EPC2: variants seen among roughly 807,000 people sequenced by gnomAD.
EPC2 encodes the protein enhancer of polycomb homolog 2.
Under a neutral mutation model 92.1 loss-of-function variants are expected in EPC2, and 14 were observed. The ratio of observed to expected loss-of-function variants is 0.15; its 90% CI spans 0.10 to 0.24. The LOEUF (loss-of-function observed/expected upper bound fraction) is 0.24, where lower values mean the gene tolerates loss of function less well. EPC2 is among the 10% of genes least tolerant of loss of function. The pLI, the probability that EPC2 is intolerant of heterozygous loss-of-function variation, is 1.00. For synonymous variants in EPC2, 340 were observed against 334.7 expected (o/e 1.02, Z -0.17); for missense variants, 755 against 971.5 (o/e 0.78, Z 2.96).
intron 1 of EPC2, among the ~76,000 whole-genome samples, chr2:148,677,609 GTC>G (rs757703285): frequency 2.6e-5 from 4 of 152,204 alleles, no homozygotes; most frequent in Non-Finnish European, 4.4e-5. Context: ...TGGGTTCTTG[GTC>G]TCACTGACTT....
intron 1 of EPC2, among the ~76,000 whole-genome samples, chr2:148,685,692 G>A (rs947488830): frequency 6.6e-5 from 10 of 152,170 alleles, no homozygotes; most frequent in East Asian, 3.8e-4. Context: ...GCTCCGCTTC[G>A]GGGGGCAGAG....
intron 1 of EPC2, among the ~76,000 whole-genome samples, chr2:148,682,156 A>G (rs756437315): frequency 1.9e-4 from 29 of 152,156 alleles, no homozygotes; most frequent in Non-Finnish European, 4.0e-4. Flanking sequence ...AGTCTTTGCT[A>G]TTGTGAATAG....
At chr2:148,687,917 A>C (rs1391513697) in intron 1 of EPC2, among the ~76,000 whole-genome samples, 9 of 152,084 alleles carry the variant, frequency 5.9e-5, no homozygotes, top group Non-Finnish European at 1.3e-4. Context: ...CTTCCTTTTA[A>C]AGTACTAGTT....
chr2:148,656,187 A>G (rs16829131), intron 1 of EPC2, among the ~76,000 whole-genome samples: 2,159 of 152,244 alleles, frequency 0.014, 53 homozygotes, highest in African/African-American at 0.05. Flanking sequence ...TTGATTTTCA[A>G]TTCCTTCCCT....
intron 2 of EPC2, among the ~76,000 whole-genome samples, chr2:148,724,928 G>A (rs1348579292): frequency 3.3e-5 from 5 of 152,052 alleles, no homozygotes; most frequent in Non-Finnish European, 7.4e-5. Context: ...TTATAGTTAA[G>A]GAGTAGAGAC....
chr2:148,710,338 G>T (rs148722199), intron 2 of EPC2, among the ~76,000 whole-genome samples: 3,826 of 152,276 alleles, frequency 0.025, 56 homozygotes, highest in East Asian at 0.032. Context: ...TCATTGAAAA[G>T]TCAGGAAACA....
chr2:148,702,527 A>G (rs1423923354), intron 2 of EPC2, among the ~76,000 whole-genome samples: 1 of 152,208 alleles, frequency 6.6e-6, no homozygotes, highest in Non-Finnish European at 1.5e-5. Context: ...GGCACCAGGA[A>G]TCTGAACTTC....
intron 2 of EPC2, among the ~76,000 whole-genome samples, chr2:148,707,714 A>T (rs1367440577): frequency 1.3e-5 from 2 of 152,232 alleles, no homozygotes; most frequent in Non-Finnish European, 2.9e-5. Flanking sequence ...CTGCTCAACT[A>T]GATGGAAACT....
chr2:148,691,555 T>C, intron 2 of EPC2: 1 of 1,550,552 alleles, frequency 6.4e-7, no homozygotes, highest in Non-Finnish European at 8.7e-7. Flanking sequence ...AATTGCATCT[T>C]AAATTGCTGT....
chr2:148,669,811 A>G (rs1681120332), intron 1 of EPC2, among the ~76,000 whole-genome samples: 1 of 152,164 alleles, frequency 6.6e-6, no homozygotes, highest in Non-Finnish European at 1.5e-5. Flanking sequence ...ATTATTCTCC[A>G]CTACTGAATC....
At chr2:148,757,166 G>A (rs1683207406) in intron 4 of EPC2, among the ~76,000 whole-genome samples, 1 of 151,710 alleles carries the variant, frequency 6.6e-6, no homozygotes, top group Admixed American at 6.6e-5. Flanking sequence ...CACAAGGTCA[G>A]GAGTTCAAGA....
chr2:148,753,470 A>G (rs1335255646), intron 3 of EPC2, among the ~76,000 whole-genome samples: 1 of 152,220 alleles, frequency 6.6e-6, no homozygotes, highest in Non-Finnish European at 1.5e-5. Context: ...ATTGCAATAT[A>G]TTAGAGAATA....
At chr2:148,653,987 A>G (rs1680738533) in intron 1 of EPC2, among the ~76,000 whole-genome samples, 1 of 142,318 alleles carries the variant, frequency 7.0e-6, no homozygotes, top group Non-Finnish European at 1.5e-5. Flanking sequence ...TTGCTCTGTC[A>G]CCCAGGCTGG....
intron 1 of EPC2, among the ~76,000 whole-genome samples, chr2:148,666,941 G>A (rs975430397): frequency 1.3e-5 from 2 of 151,862 alleles, no homozygotes; most frequent in Non-Finnish European, 2.9e-5. Context: ...TTTTTGAGTA[G>A]GAGCTGGATA....
chr2:148,765,887 TC>T (rs35138927), intron 7 of EPC2, among the ~76,000 whole-genome samples: 21,253 of 151,852 alleles, frequency 0.14, 2,408 homozygotes, highest in East Asian at 0.46. Context: ...ACAAAAAAAA[TC>T]AGCCAGGTGT....
At chr2:148,786,160 T>C (rs1457791150) in intron 13 of EPC2, 145 bp from the exon 14 acceptor site, 1 of 618,628 alleles carries the variant, frequency 1.6e-6, no homozygotes, top group Non-Finnish European at 2.7e-6. Flanking sequence ...CTCATTCCTA[T>C]CTAGAAATGG....
chr2:148,705,318 C>T (rs1281231648), intron 2 of EPC2, among the ~76,000 whole-genome samples: 1 of 152,106 alleles, frequency 6.6e-6, no homozygotes, highest in Non-Finnish European at 1.5e-5. Context: ...CTCTTACTTT[C>T]CCTACTAACA....
At chr2:148,667,096 T>C (rs1331119691) in intron 1 of EPC2, among the ~76,000 whole-genome samples, 2 of 152,218 alleles carry the variant, frequency 1.3e-5, no homozygotes, top group Non-Finnish European at 2.9e-5. Context: ...GTTGAAAATA[T>C]ATGTGCTTAA....
intron 6 of EPC2, among the ~76,000 whole-genome samples, 155 bp from the exon 7 acceptor site, chr2:148,764,800 C>T (rs1161301182): frequency 6.6e-6 from 1 of 152,084 alleles, no homozygotes; most frequent in Non-Finnish European, 1.5e-5. Flanking sequence ...AAACATGTTT[C>T]AATTTATGAA....
Sources: allele counts gnomAD v4.1 joint callset (sites outside exome capture counted in the v4.1 genomes callset), GRCh38; gene constraint gnomAD v4.1.1; transcripts MANE v1.5; gene names NCBI Gene and HGNC (gene_info 2026-07-23, HGNC 2026-07-21).